The following BLTP3B variants were observed in gnomAD, a reference collection of about 807,000 sequenced individuals.
BLTP3B encodes the protein UHRF1 (ICBP90) binding protein 1-like.
At chr12:100,098,618 C>G in the BLTP3B span, 1 of 1,445,916 alleles carries the variant, frequency 6.9e-7, no homozygotes, top group Non-Finnish European at 9.2e-7. Context: ...TTGCACATTT[C>G]TGGTTGGGGA....
chr12:100,048,458 A>G, the BLTP3B span, among the ~76,000 whole-genome samples: 1 of 152,080 alleles, frequency 6.6e-6, no homozygotes, highest in Non-Finnish European at 1.5e-5. Flanking sequence ...AAGGTGTGAT[A>G]CATGCCTCAG....
the BLTP3B span, chr12:100,048,284 GT>G: frequency 7.2e-7 from 1 of 1,379,680 alleles, no homozygotes; most frequent in Non-Finnish European, 9.7e-7. Context: ...AATAATACTA[GT>G]TTTACTATTT....
At chr12:100,112,106 T>C in the BLTP3B span, among the ~76,000 whole-genome samples, 1 of 152,148 alleles carries the variant, frequency 6.6e-6, no homozygotes, top group Non-Finnish European at 1.5e-5. Flanking sequence ...TGTACCACTT[T>C]TATAAAGACA....
chr12:100,122,954 T>C, the BLTP3B span, among the ~76,000 whole-genome samples: 3 of 152,188 alleles, frequency 2.0e-5, no homozygotes, highest in African/African-American at 4.8e-5. Flanking sequence ...ATCCTTCTCA[T>C]CTCTTAGGTT....
At chr12:100,142,865 TAA>T in the BLTP3B span, 3 of 483,276 alleles carry the variant, frequency 6.2e-6, no homozygotes, top group Non-Finnish European at 7.1e-6. Context: ...CAGCATCACC[TAA>T]GAGACTCGGT....
At chr12:100,048,760 G>C in the BLTP3B span, among the ~76,000 whole-genome samples, 1 of 130,826 alleles carries the variant, frequency 7.6e-6, no homozygotes, top group African/African-American at 3.1e-5. Flanking sequence ...GAGAGAGAGA[G>C]AGTGAGAGTG....
chr12:100,134,273 TA>T, the BLTP3B span, among the ~76,000 whole-genome samples: 1 of 152,100 alleles, frequency 6.6e-6, no homozygotes, highest in Non-Finnish European at 1.5e-5. Flanking sequence ...TAGTCTAAAT[TA>T]GATCACAAAT....
At chr12:100,065,083 C>A in the BLTP3B span, among the ~76,000 whole-genome samples, 1 of 152,086 alleles carries the variant, frequency 6.6e-6, no homozygotes, top group Admixed American at 6.5e-5. Flanking sequence ...CCAGCTGGAG[C>A]CACAGCAGAG....
chr12:100,127,875 A>G, the BLTP3B span, among the ~76,000 whole-genome samples: 2 of 152,082 alleles, frequency 1.3e-5, no homozygotes, highest in African/African-American at 4.8e-5. Context: ...TCAGCCAGGC[A>G]TGGGGTACAT....
the BLTP3B span, among the ~76,000 whole-genome samples, chr12:100,119,420 T>C: frequency 1.3e-5 from 2 of 152,162 alleles, no homozygotes; most frequent in African/African-American, 4.8e-5. Flanking sequence ...AGCAGGCTTC[T>C]TTTTTGAGAG....
the BLTP3B span, among the ~76,000 whole-genome samples, chr12:100,140,729 A>AAAAAAAAAAATATATATATAT: frequency 1.6e-5 from 1 of 61,506 alleles, no homozygotes; most frequent in Non-Finnish European, 2.6e-5. Flanking sequence ...AAAAAAAAAA[A>AAAAAAAAAAATATATATATAT]ATATATATAT....
the BLTP3B span, among the ~76,000 whole-genome samples, chr12:100,101,456 C>T: frequency 1.5e-4 from 23 of 152,144 alleles, no homozygotes; most frequent in Admixed American, 1.5e-3. Context: ...ACCTAGAATA[C>T]TATACATGTT....
At chr12:100,114,173 CT>C in the BLTP3B span, among the ~76,000 whole-genome samples, 1 of 152,116 alleles carries the variant, frequency 6.6e-6, no homozygotes, top group African/African-American at 2.4e-5. Context: ...TCATTCTTCT[CT>C]GGGAAAAACT....
the BLTP3B span, among the ~76,000 whole-genome samples, chr12:100,090,674 A>G: frequency 6.6e-6 from 1 of 152,204 alleles, no homozygotes; most frequent in African/African-American, 2.4e-5. Flanking sequence ...GCCCAAGGTA[A>G]GTAAAGAAAC....
chr12:100,070,100 TC>T, the BLTP3B span: 1 of 1,483,548 alleles, frequency 6.7e-7, no homozygotes, highest in Non-Finnish European at 9.0e-7. Flanking sequence ...GCCATTTTAC[TC>T]CCTATGAGAT....
At chr12:100,095,720 C>A in the BLTP3B span, 1 of 1,613,356 alleles carries the variant, frequency 6.2e-7, no homozygotes, top group African/African-American at 1.3e-5. Context: ...TTTTCTATTG[C>A]TTCACTAAGA....
chr12:100,121,792 G>C, the BLTP3B span, among the ~76,000 whole-genome samples: 2 of 152,122 alleles, frequency 1.3e-5, no homozygotes, highest in African/African-American at 4.8e-5. Context: ...TCGTGCCACT[G>C]CACTCCAGCC....
chr12:100,123,649 G>C, the BLTP3B span, among the ~76,000 whole-genome samples: 3 of 152,126 alleles, frequency 2.0e-5, no homozygotes, highest in Non-Finnish European at 4.4e-5. Context: ...TGACGGACAG[G>C]CTCTTTGAGT....
chr12:100,058,321 T>G, the BLTP3B span: 1 of 1,613,916 alleles, frequency 6.2e-7, no homozygotes, highest in Non-Finnish European at 8.5e-7. Flanking sequence ...GAGCCACTTT[T>G]GTAAACAAGT....
Sources: allele counts gnomAD v4.1 joint callset (sites outside exome capture counted in the v4.1 genomes callset), GRCh38; gene constraint gnomAD v4.1.1; transcripts MANE v1.5; gene names NCBI Gene and HGNC (gene_info 2026-07-23, HGNC 2026-07-21).